Variants in TTC7A observed in about 807,000 individuals in gnomAD.
The protein encoded by TTC7A is tetratricopeptide repeat protein 7A.
In TTC7A, 110 loss-of-function variants were observed where a neutral mutation model predicts 103.7. The ratio of observed to expected loss-of-function variants is 1.06; its 90% CI spans 0.91 to 1.24. The LOEUF (loss-of-function observed/expected upper bound fraction) is 1.24, where lower values mean the gene tolerates loss of function less well. TTC7A is among the 50% of genes most tolerant of loss of function. The pLI, the probability that TTC7A is intolerant of heterozygous loss-of-function variation, is 0.00. For missense variants in TTC7A, 1,340 were observed against 1,116.3 expected (o/e 1.20, Z -2.86); for synonymous variants, 521 against 467.9 (o/e 1.11, Z -1.47).
At chr2:46,996,042 C>T (rs17036022) in intron 8 of TTC7A, among the ~76,000 whole-genome samples, 6 of 152,228 alleles carry the variant, frequency 3.9e-5, no homozygotes, top group Non-Finnish European at 8.8e-5. Context: ...AACACAAGCA[C>T]GTGGATGCAC....
chr2:46,988,209 C>T (rs2104346386), intron 5 of TTC7A, among the ~76,000 whole-genome samples: 1 of 152,282 alleles, frequency 6.6e-6, no homozygotes, highest in African/African-American at 2.4e-5. Context: ...TCCCCGGCCT[C>T]ACTAGAAAGG....
At chr2:46,985,857 T>C (rs1027682799) in intron 5 of TTC7A, among the ~76,000 whole-genome samples, 1 of 152,226 alleles carries the variant, frequency 6.6e-6, no homozygotes, top group African/African-American at 2.4e-5. Context: ...AAAAATAATA[T>C]AAAGATACCT....
chr2:46,969,960 G>T (rs757272560), intron 3 of TTC7A, among the ~76,000 whole-genome samples: 2 of 152,188 alleles, frequency 1.3e-5, no homozygotes, highest in Non-Finnish European at 2.9e-5. Context: ...AACTCTACCT[G>T]GCAGGGTTTC....
At chr2:46,938,839 C>T (rs1670107565), upstream of TTC7A, among the ~76,000 whole-genome samples, 1 of 151,692 alleles carries the variant, frequency 6.6e-6, no homozygotes, top group Non-Finnish European at 1.5e-5. Context: ...TAGTGAAACC[C>T]GTCTCTACTA....
At chr2:47,062,085 G>T (rs896472187) in intron 19 of TTC7A, among the ~76,000 whole-genome samples, 1 of 152,228 alleles carries the variant, frequency 6.6e-6, no homozygotes, top group African/African-American at 2.4e-5. Context: ...GGGCTGATTT[G>T]TCCGTGAGGA....
intron 5 of TTC7A, among the ~76,000 whole-genome samples, chr2:46,984,258 G>A (rs558725001): frequency 5.3e-5 from 8 of 152,344 alleles, no homozygotes; most frequent in African/African-American, 1.9e-4. Context: ...ACTGAGCTGA[G>A]CCCCTGGGGA....
chr2:47,011,473 G>T (rs1678047095), intron 11 of TTC7A, 38 bp downstream of exon 11: 1 of 1,506,708 alleles, frequency 6.6e-7, no homozygotes, highest in Non-Finnish European at 9.1e-7. Flanking sequence ...GAGGCCTCCT[G>T]TGGGGAGGGT....
At chr2:46,964,283 C>T (rs962571910) in intron 3 of TTC7A, among the ~76,000 whole-genome samples, 4 of 152,048 alleles carry the variant, frequency 2.6e-5, no homozygotes, top group Non-Finnish European at 5.9e-5. Flanking sequence ...AGGGAAGCCC[C>T]GGGGGAAACA....
At chr2:47,039,650 T>G (rs933118804) in intron 15 of TTC7A, among the ~76,000 whole-genome samples, 2 of 152,270 alleles carry the variant, frequency 1.3e-5, no homozygotes, top group Admixed American at 6.5e-5. Context: ...TGTTTCTCTT[T>G]GCCTCACATG....
chr2:46,956,880 G>A lies in TTC7A; in HGVS notation c.390G>A (p.Leu130=). 6.2e-7 allele frequency: 1 copy of A among 1,614,188 alleles called. No individual in the cohort carries two copies. The highest frequency in any genetic ancestry group is 8.5e-7 in the Non-Finnish European group (1 of 1,180,042). Residue 130 remains leucine, a synonymous_variant, in exon 3 of 20, where the codon CTG becomes CTA. Coordinates refer to ENST00000319190, the MANE Select transcript of TTC7A (RefSeq NM_020458.4). ...AGGCCATGCTGATCCTGGGCAAACT[G>A]CATTACGTGGAGGGCTCATACCGAG... ...MCEAMLILGK[L]HYVEGSYRDA...
At chr2:46,989,876 T>C (rs1177292787) in intron 5 of TTC7A, among the ~76,000 whole-genome samples, 1 of 151,924 alleles carries the variant, frequency 6.6e-6, no homozygotes, top group Non-Finnish European at 1.5e-5. Context: ...GGAGTCTGCA[T>C]TTCTCCCAAG....
intron 18 of TTC7A, chr2:47,053,975 C>G (rs898051781): frequency 1.3e-5 from 4 of 299,542 alleles, no homozygotes; most frequent in African/African-American, 9.1e-5. Flanking sequence ...CTGATAACTC[C>G]AAGTAAGGTT....
intron 5 of TTC7A, among the ~76,000 whole-genome samples, chr2:46,992,794 A>G (rs1298825729): frequency 2.0e-5 from 3 of 152,230 alleles, no homozygotes; most frequent in African/African-American, 7.2e-5. Context: ...GGAAAATGGA[A>G]AACCTCAGTG....
chr2:46,934,715 G>T (rs1218773731), intron 2 of TTC7A, among the ~76,000 whole-genome samples: 1 of 141,488 alleles, frequency 7.1e-6, no homozygotes, highest in South Asian at 2.3e-4. Context: ...AAAAAAACCC[G>T]CACTTCAAAA....
intron 2 of TTC7A, among the ~76,000 whole-genome samples, chr2:46,930,263 G>A (rs60694631): frequency 0.012 from 1,782 of 151,618 alleles, 41 homozygotes; most frequent in African/African-American, 0.04. Context: ...TAAATCCCTG[G>A]AAAATTATCA....
At chr2:46,969,315 A>G (rs1572760085) in intron 3 of TTC7A, among the ~76,000 whole-genome samples, 1 of 152,086 alleles carries the variant, frequency 6.6e-6, no homozygotes, top group East Asian at 2.0e-4. Flanking sequence ...TATCCTGGCT[A>G]ACATGGCGAA....
chr2:47,024,635 AC>A (rs1679685480), intron 14 of TTC7A, among the ~76,000 whole-genome samples: 1 of 151,926 alleles, frequency 6.6e-6, no homozygotes, highest in Admixed American at 6.5e-5. Flanking sequence ...TTGATGAGTG[AC>A]CACCTGTCAC....
intron 3 of TTC7A, among the ~76,000 whole-genome samples, chr2:46,958,922 T>A (rs1033688724): frequency 1.3e-5 from 2 of 152,182 alleles, no homozygotes; most frequent in Admixed American, 6.5e-5. Flanking sequence ...GTTCACAGAA[T>A]GCTGATATTT....
chr2:47,038,589 T>G (rs1372864449), intron 15 of TTC7A, among the ~76,000 whole-genome samples: 2 of 151,966 alleles, frequency 1.3e-5, no homozygotes, highest in East Asian at 3.9e-4. Flanking sequence ...TTTTAAGAGA[T>G]AATGCCCCTT....
Sources: gnomAD v4.1 joint callset for allele counts (sites outside exome capture counted in the v4.1 genomes callset) on GRCh38, gnomAD v4.1.1 for gene constraint, MANE v1.5 for transcripts, NCBI Gene and HGNC (gene_info 2026-07-23, HGNC 2026-07-21) for gene names.